RSRC1: variants seen among roughly 807,000 people sequenced by gnomAD.
The protein encoded by RSRC1 is arginine and serine rich coiled-coil 1, also known as serine/Arginine-related protein 53.
A neutral mutation model predicts 49.1 loss-of-function variants in RSRC1; 39 were observed. That is an observed-to-expected ratio of 0.79 (90% CI 0.61 to 1.04). The LOEUF (loss-of-function observed/expected upper bound fraction) is 1.04. Ranked by LOEUF, RSRC1 falls within the 50% of genes least tolerant of loss-of-function variation. The pLI is 0.00. For missense variants in RSRC1, 388 were observed against 402.4 expected (o/e 0.96, Z 0.31); for synonymous variants, 143 against 130.8 (o/e 1.09, Z -0.63).
At chr3:158,265,713 T>C (rs1223050665) in intron 4 of RSRC1, among the ~76,000 whole-genome samples, 1 of 152,172 alleles carries the variant, frequency 6.6e-6, no homozygotes, top group African/African-American at 2.4e-5. Context: ...ACTTGTAAGC[T>C]AACAATTTAA....
intron 6 of RSRC1, among the ~76,000 whole-genome samples, chr3:158,382,593 C>G (rs1026440956): frequency 8.5e-5 from 13 of 152,094 alleles, no homozygotes; most frequent in African/African-American, 3.1e-4. Flanking sequence ...TACCCCCTAC[C>G]CCCAGTCTAA....
chr3:158,432,808 A>T (rs1385454567), intron 6 of RSRC1, among the ~76,000 whole-genome samples: 4 of 151,898 alleles, frequency 2.6e-5, no homozygotes, highest in African/African-American at 9.7e-5. Context: ...TAGCATTGAC[A>T]TCATTTGTAG....
chr3:158,238,738 A>G (rs923129023), intron 4 of RSRC1, among the ~76,000 whole-genome samples: 2 of 152,226 alleles, frequency 1.3e-5, no homozygotes, highest in Non-Finnish European at 2.9e-5. Flanking sequence ...GAAGCCTTAA[A>G]TGTTAGACCT....
intron 4 of RSRC1, among the ~76,000 whole-genome samples, chr3:158,246,771 C>G (rs1381991341): frequency 1.3e-5 from 2 of 152,140 alleles, no homozygotes; most frequent in African/African-American, 4.8e-5. Context: ...CATGGGCTTC[C>G]CTTTGTAGAT....
At position 158,297,508 on chromosome 3, in the gene RSRC1, G is replaced by T. The variant is rs188890890; in HGVS notation, c.495-531G>T. On this transcript the variant is annotated intron_variant, in intron 4 of 9. Coordinates refer to ENST00000611884, the MANE Select transcript of RSRC1 (RefSeq NM_001271838.2). ...ATTAAATTCATAAAATTAATGACAG[G>T]AGAAAATAGGATAAGATTTAGTTAT... 2.2e-3 allele frequency among the ~76,000 whole-genome samples: 340 copies of T among 151,980 alleles called. 1 individual carries two copies. Among genetic ancestry groups the T allele is most frequent in the Non-Finnish European group, 3.7e-3 (249 of 67,848 alleles).
chr3:158,169,916 T>C (rs1293436864), intron 3 of RSRC1, among the ~76,000 whole-genome samples: 6 of 152,190 alleles, frequency 3.9e-5, no homozygotes, highest in Admixed American at 6.5e-5. Context: ...CCAAGAAGAA[T>C]ATTTATGCTG....
chr3:158,136,066 T>G (rs747589023), intron 3 of RSRC1, among the ~76,000 whole-genome samples: 2 of 152,202 alleles, frequency 1.3e-5, no homozygotes, highest in African/African-American at 4.8e-5. Flanking sequence ...TTGATCATAA[T>G]CACTCCTTAC....
At chr3:158,485,441 G>C (rs889665851) in intron 7 of RSRC1, among the ~76,000 whole-genome samples, 37 of 151,984 alleles carry the variant, frequency 2.4e-4, no homozygotes, top group African/African-American at 8.7e-4. Flanking sequence ...AATATATTAA[G>C]ATAATTCATA....
intron 5 of RSRC1, among the ~76,000 whole-genome samples, chr3:158,353,965 A>C (rs1384694191): frequency 6.7e-6 from 1 of 149,722 alleles, no homozygotes; most frequent in African/African-American, 2.5e-5. Flanking sequence ...GAGTGTGGTC[A>C]CTGGTAGGAA....
chr3:158,254,147 T>C (rs1724396036), intron 4 of RSRC1, among the ~76,000 whole-genome samples: 1 of 152,228 alleles, frequency 6.6e-6, no homozygotes. Flanking sequence ...TGCCACATTT[T>C]CTTAATCCAG....
chr3:158,218,158 A>G (rs1722054448), intron 4 of RSRC1, among the ~76,000 whole-genome samples: 1 of 151,680 alleles, frequency 6.6e-6, no homozygotes, highest in Admixed American at 6.6e-5. Flanking sequence ...TTTGGTCTCT[A>G]TCTTAAGGGT....
chr3:158,497,456 A>C (rs897588439), intron 7 of RSRC1, among the ~76,000 whole-genome samples: 3 of 112,224 alleles, frequency 2.7e-5, no homozygotes, highest in Non-Finnish European at 5.1e-5. Flanking sequence ...TTTTTTTTTG[A>C]GATGGAGTCT....
intron 5 of RSRC1, among the ~76,000 whole-genome samples, chr3:158,335,412 T>C (rs2108203926): frequency 6.6e-6 from 1 of 152,256 alleles, no homozygotes; most frequent in East Asian, 1.9e-4. Flanking sequence ...AAGTTGGCTA[T>C]GAGTATGAAA....
intron 3 of RSRC1, among the ~76,000 whole-genome samples, chr3:158,177,894 AAAT>A (rs1211584087): frequency 2.0e-5 from 3 of 152,146 alleles, no homozygotes; most frequent in African/African-American, 7.2e-5. Flanking sequence ...TAAAAGCAAA[AAAT>A]GTGATTTCGT....
intron 6 of RSRC1, among the ~76,000 whole-genome samples, chr3:158,427,491 G>GTATAGCCAA (rs1735514858): frequency 6.6e-6 from 1 of 151,648 alleles, no homozygotes; most frequent in Non-Finnish European, 1.5e-5. Context: ...AATTATATAA[G>GTATAGCCAA]TATAGCCAAA....
At chr3:158,464,312 A>G (rs1314862915) in intron 7 of RSRC1, among the ~76,000 whole-genome samples, 2 of 152,186 alleles carry the variant, frequency 1.3e-5, no homozygotes, top group African/African-American at 4.8e-5. Flanking sequence ...CATTGTAAGC[A>G]TAGTAGTCTT....
intron 4 of RSRC1, among the ~76,000 whole-genome samples, chr3:158,287,956 C>A (rs1214030029): frequency 6.6e-6 from 1 of 152,136 alleles, no homozygotes; most frequent in Admixed American, 6.6e-5. Context: ...GTCCCTTTTT[C>A]CTGTGGATGC....
chr3:158,422,853 T>C (rs1735160315), intron 6 of RSRC1, among the ~76,000 whole-genome samples: 1 of 151,282 alleles, frequency 6.6e-6, no homozygotes, highest in Non-Finnish European at 1.5e-5. Context: ...TTCATGTGTT[T>C]TTTGGCTGCA....
intron 5 of RSRC1, among the ~76,000 whole-genome samples, chr3:158,331,391 G>T (rs776404469): frequency 1.3e-5 from 2 of 152,094 alleles, no homozygotes; most frequent in Non-Finnish European, 2.9e-5. Context: ...AAACTTACAA[G>T]AACTTTTTTT....
Sources: allele counts gnomAD v4.1 joint callset (sites outside exome capture counted in the v4.1 genomes callset), GRCh38; gene constraint gnomAD v4.1.1; transcripts MANE v1.5; gene names NCBI Gene and HGNC (gene_info 2026-07-23, HGNC 2026-07-21).